Variants in TENM4 observed in about 807,000 individuals in gnomAD.
TENM4 encodes the protein teneurin-4.
Under a neutral mutation model 243.3 loss-of-function variants are expected in TENM4, and 82 were observed. The ratio of observed to expected loss-of-function variants is 0.34; its 90% CI spans 0.28 to 0.40. TENM4 has a LOEUF of 0.40. Ranked by LOEUF, TENM4 falls within the 10% of genes least tolerant of loss-of-function variation. The pLI is 1.00. For missense variants in TENM4, 3,138 were observed against 3,673.3 expected (o/e 0.85, Z 3.77); for synonymous variants, 1,412 against 1,456.3 (o/e 0.97, Z 0.69).
chr11:79,148,334 C>T (rs1297970810), intron 4 of TENM4, among the ~76,000 whole-genome samples: 2 of 152,102 alleles, frequency 1.3e-5, no homozygotes, highest in Admixed American at 1.3e-4. Context: ...TATGGGAGAG[C>T]TCTACAAAAA....
chr11:78,877,690 T>C (rs1859304419), intron 9 of TENM4, among the ~76,000 whole-genome samples: 1 of 152,182 alleles, frequency 6.6e-6, no homozygotes, highest in South Asian at 2.1e-4. Context: ...GTGTTGTTTC[T>C]GCAGCTGCTG....
chr11:78,860,127 T>C (rs1323547737), intron 10 of TENM4, among the ~76,000 whole-genome samples: 1 of 152,224 alleles, frequency 6.6e-6, no homozygotes, highest in Non-Finnish European at 1.5e-5. Flanking sequence ...CTTTAACATA[T>C]TCAAAAATAC....
chr11:79,061,073 C>T (rs1027686338), intron 6 of TENM4, among the ~76,000 whole-genome samples: 2 of 152,152 alleles, frequency 1.3e-5, no homozygotes, highest in Non-Finnish European at 2.9e-5. Flanking sequence ...GTCATAGAGC[C>T]TGGCTCCAGC....
At chr11:79,359,956 C>A (rs909692709) in intron 1 of TENM4, among the ~76,000 whole-genome samples, 5 of 152,072 alleles carry the variant, frequency 3.3e-5, no homozygotes, top group African/African-American at 9.7e-5. Flanking sequence ...AAGCAGGACA[C>A]AAACTGTACG....
At chr11:78,902,183 G>C (rs1165152706) in intron 7 of TENM4, among the ~76,000 whole-genome samples, 1 of 152,220 alleles carries the variant, frequency 6.6e-6, no homozygotes, top group South Asian at 2.1e-4. Flanking sequence ...CTACAGTTTA[G>C]AGAAAGGGAA....
chr11:78,877,245 C>A (rs1010962751), intron 9 of TENM4, among the ~76,000 whole-genome samples: 2 of 152,106 alleles, frequency 1.3e-5, no homozygotes, highest in Non-Finnish European at 2.9e-5. Flanking sequence ...CCTCTCTCTT[C>A]CTCTCACTGC....
rs763794183 is a variant in TENM4, at chr11:78,669,763, A to G, written c.6582T>C (p.Tyr2194=). The G allele has an allele frequency of 6.2e-7, 1 of 1,613,960 alleles. No homozygotes were observed. Among genetic ancestry groups the G allele is most frequent in the Non-Finnish European group, 8.5e-7 (1 of 1,179,886 alleles). The change falls in exon 32 of 34, where the codon TAT becomes TAC. Residue 2194 remains tyrosine, a synonymous_variant. Transcript: ENST00000278550. This position sits in a 1 kb window ranked among gnomAD's most constrained non-coding sequence, Gnocchi z 6.4. ...GCAGCTGGCCGTCAGCATCATACTC[A>G]TAGGAGTAGCGAGTGGTATTGGCGT... The part of the protein sequence containing the change: ...GPYANTTRYS[Y]EYDADGQLQT...
At chr11:78,841,832 A>T (rs888396437) in intron 12 of TENM4, among the ~76,000 whole-genome samples, 14 of 151,982 alleles carry the variant, frequency 9.2e-5, no homozygotes, top group African/African-American at 3.4e-4. Context: ...ACTCGTGGTG[A>T]CCCTGCTTCT....
At chr11:79,121,825 T>C (rs1591298162) in intron 4 of TENM4, among the ~76,000 whole-genome samples, 1 of 152,360 alleles carries the variant, frequency 6.6e-6, no homozygotes, top group East Asian at 1.9e-4. Flanking sequence ...ACTGGCTGTC[T>C]GACCATGGAC....
intron 6 of TENM4, among the ~76,000 whole-genome samples, chr11:79,022,711 T>C (rs1032246385): frequency 1.3e-5 from 2 of 152,076 alleles, no homozygotes; most frequent in African/African-American, 4.8e-5. Context: ...TTGTAAAAAA[T>C]GAAGATGATG....
At chr11:79,185,858 T>C (rs559028437) in intron 3 of TENM4, among the ~76,000 whole-genome samples, 19 of 152,332 alleles carry the variant, frequency 1.2e-4, no homozygotes, top group Admixed American at 6.5e-5. Context: ...TCCAGAAACA[T>C]CTGCCAAAGA....
intron 2 of TENM4, among the ~76,000 whole-genome samples, chr11:79,245,757 T>G (rs1287808267): frequency 6.6e-6 from 1 of 151,594 alleles, no homozygotes; most frequent in East Asian, 1.9e-4. Context: ...CTGGCCAACA[T>G]GGTGAAACCC....
intron 6 of TENM4, among the ~76,000 whole-genome samples, chr11:79,049,276 C>G (rs1007454649): frequency 1.3e-5 from 2 of 152,216 alleles, no homozygotes; most frequent in Non-Finnish European, 2.9e-5. Flanking sequence ...GCTCTTCCCC[C>G]CTACTCAGGA....
At chr11:78,780,055 C>A (rs1856811637) in intron 16 of TENM4, among the ~76,000 whole-genome samples, 1 of 152,156 alleles carries the variant, frequency 6.6e-6, no homozygotes, top group Non-Finnish European at 1.5e-5. Flanking sequence ...TTAACTGAGG[C>A]TACATGCTTT....
chr11:78,962,959 A>G (rs967144788), intron 6 of TENM4, among the ~76,000 whole-genome samples: 1 of 152,228 alleles, frequency 6.6e-6, no homozygotes, highest in African/African-American at 2.4e-5. Flanking sequence ...CTCACATTTT[A>G]TGATTCTTAA....
At chr11:78,870,399 G>A (rs184606279) in intron 9 of TENM4, among the ~76,000 whole-genome samples, 30 of 152,244 alleles carry the variant, frequency 2.0e-4, no homozygotes, top group African/African-American at 6.5e-4. Context: ...CCCATTAGCT[G>A]ACAGACTTTG....
chr11:79,352,712 G>A (rs1355190062), intron 1 of TENM4, among the ~76,000 whole-genome samples: 1 of 152,052 alleles, frequency 6.6e-6, no homozygotes, highest in Non-Finnish European at 1.5e-5. Flanking sequence ...CCTCCTCTCT[G>A]GCCTCTGTGC....
intron 1 of TENM4, among the ~76,000 whole-genome samples, chr11:79,436,378 C>G (rs1036890712): frequency 2.6e-5 from 4 of 151,978 alleles, no homozygotes; most frequent in African/African-American, 7.3e-5. Context: ...GTGTTGCAAA[C>G]TAAGTAATAT....
intron 1 of TENM4, among the ~76,000 whole-genome samples, chr11:79,422,529 C>G (rs898398042): frequency 6.6e-6 from 1 of 152,140 alleles, no homozygotes; most frequent in African/African-American, 2.4e-5. Flanking sequence ...CCAAAAAAAG[C>G]AGAGGCCCTG....
Sources: gnomAD v4.1 joint callset for allele counts (sites outside exome capture counted in the v4.1 genomes callset) on GRCh38, gnomAD v4.1.1 for gene constraint, Gnocchi (gnomAD v3.1) non-coding constraint, MANE v1.5 for transcripts, NCBI Gene and HGNC (gene_info 2026-07-23, HGNC 2026-07-21) for gene names.